Variants in BRINP3 observed in about 807,000 individuals in gnomAD.
BRINP3 encodes the protein BMP/retinoic acid-inducible neural-specific protein 3.
Under a neutral mutation model 71.0 loss-of-function variants are expected in BRINP3, and 19 were observed. The ratio of observed to expected loss-of-function variants is 0.27; its 90% CI spans 0.19 to 0.39. BRINP3 has a LOEUF of 0.39. BRINP3 is among the 10% of genes least tolerant of loss of function. BRINP3 has a pLI of 1.00. For missense variants in BRINP3, 959 were observed against 940.8 expected (o/e 1.02, Z -0.25); for synonymous variants, 380 against 337.7 (o/e 1.13, Z -1.37).
At chr1:190,320,077 T>A (rs891928556) in intron 2 of BRINP3, among the ~76,000 whole-genome samples, 1 of 151,986 alleles carries the variant, frequency 6.6e-6, no homozygotes, top group Non-Finnish European at 1.5e-5. Context: ...CTTGGTAACT[T>A]TGACTTTAAG....
At chr1:190,218,809 T>C (rs1464915683) in intron 6 of BRINP3, among the ~76,000 whole-genome samples, 2 of 152,120 alleles carry the variant, frequency 1.3e-5, no homozygotes, top group African/African-American at 4.8e-5. Flanking sequence ...TCTATTTTGA[T>C]CAAATAAATC....
chr1:190,312,036 AATATATATATATATATAT>A (rs1180367434), intron 2 of BRINP3, among the ~76,000 whole-genome samples: 44 of 68,308 alleles, frequency 6.4e-4, no homozygotes, highest in Middle Eastern at 0.015. Flanking sequence ...TGAAAAGTCA[AATATATATATATATATAT>A]ATATATATAT....
At chr1:190,373,423 TA>T (rs1325696931) in intron 2 of BRINP3, among the ~76,000 whole-genome samples, 5 of 124,540 alleles carry the variant, frequency 4.0e-5, no homozygotes, top group Non-Finnish European at 6.9e-5. Context: ...ATTCCTTAAT[TA>T]TATATATATA....
chr1:190,352,574 A>G (rs1011629307), intron 2 of BRINP3, among the ~76,000 whole-genome samples: 1 of 151,928 alleles, frequency 6.6e-6, no homozygotes, highest in Non-Finnish European at 1.5e-5. Context: ...TAAACATATC[A>G]TATTTTCCTA....
In BRINP3 at chr1:190,381,787, G is replaced by A. The variant is rs1416650338; in HGVS notation, c.236+72868C>T. ...TTTAACACACACGGATGACTTGTAG[G>A]TCCTAGGCATATGGATCAGTACTTA... is the stretch of plus-strand genomic sequence containing the variant. On this transcript the variant is annotated intron_variant, in intron 2 of 7. Transcript: ENST00000367462. Among the ~76,000 whole-genome samples, 3 of 152,086 alleles carry A rather than the reference G, an allele frequency of 2.0e-5. No homozygotes were observed. The East Asian group carries it at 5.8e-4, about 29-fold the overall frequency.
chr1:190,394,929 G>T (rs1457278637), intron 2 of BRINP3, among the ~76,000 whole-genome samples: 1 of 151,662 alleles, frequency 6.6e-6, no homozygotes, highest in Non-Finnish European at 1.5e-5. Context: ...CATTTCGGAG[G>T]TATTTTTATA....
intron 2 of BRINP3, among the ~76,000 whole-genome samples, chr1:190,289,988 A>G (rs1009106775): frequency 4.6e-5 from 7 of 152,052 alleles, no homozygotes; most frequent in African/African-American, 1.4e-4. Flanking sequence ...CACTCATTAA[A>G]TACACTCGGA....
At chr1:190,411,701 A>C (rs2102410705) in intron 2 of BRINP3, among the ~76,000 whole-genome samples, 1 of 152,332 alleles carries the variant, frequency 6.6e-6, no homozygotes, top group Non-Finnish European at 1.5e-5. Flanking sequence ...AATGACTGTA[A>C]GAATTTTAAA....
chr1:190,122,835 G>A (rs995819669), intron 7 of BRINP3, among the ~76,000 whole-genome samples: 12 of 152,036 alleles, frequency 7.9e-5, no homozygotes, highest in African/African-American at 2.9e-4. Context: ...TGCAAACTTA[G>A]GCAACTAATA....
Position 190,446,004 on chromosome 1 carries a change from TTTAA to T in BRINP3, c.236+8647_236+8650del, listed in dbSNP as rs572445494. On this transcript the variant is annotated intron_variant, in intron 2 of 7. Coordinates refer to ENST00000367462, the MANE Select transcript of BRINP3 (RefSeq NM_199051.3). ...CTAAAAATTATTACTTATAAATTGT[TTTAA>T]TTATTACAAAAGCCATATTTTTAAT... Among the ~76,000 whole-genome samples, 14 of 152,196 alleles carry T rather than the reference TTTAA, an allele frequency of 9.2e-5. No individual in the cohort carries two copies. In the South Asian group the frequency reaches 2.9e-3, roughly 32 times the overall value.
At chr1:190,447,077 G>A (rs903665371) in intron 2 of BRINP3, among the ~76,000 whole-genome samples, 2 of 151,610 alleles carry the variant, frequency 1.3e-5, no homozygotes, top group Admixed American at 6.6e-5. Context: ...AGAAATTCAG[G>A]GACATGAGGG....
At chr1:190,443,413 A>T (rs563275190) in intron 2 of BRINP3, among the ~76,000 whole-genome samples, 1 of 152,018 alleles carries the variant, frequency 6.6e-6, no homozygotes, top group African/African-American at 2.4e-5. Context: ...TCAAAAAAAA[A>T]AAAAAGAAAA....
chr1:190,125,762 T>G (rs1427714679), intron 7 of BRINP3, among the ~76,000 whole-genome samples: 1 of 151,974 alleles, frequency 6.6e-6, no homozygotes, highest in African/African-American at 2.4e-5. Flanking sequence ...TTTTCTAACA[T>G]TTGGTACCTA....
chr1:190,465,125 A>G (rs915457797), intron 1 of BRINP3, among the ~76,000 whole-genome samples: 1 of 151,914 alleles, frequency 6.6e-6, no homozygotes, highest in African/African-American at 2.4e-5. Flanking sequence ...AAATACAAGA[A>G]TCACCTAGGT....
intron 2 of BRINP3, among the ~76,000 whole-genome samples, chr1:190,299,434 T>G (rs2102990813): frequency 6.6e-6 from 1 of 151,404 alleles, no homozygotes; most frequent in South Asian, 2.1e-4. Flanking sequence ...ATATATTTAT[T>G]TATTTATTAT....
At chr1:190,150,269 T>TGC (rs1656273726) in intron 7 of BRINP3, among the ~76,000 whole-genome samples, 1 of 145,140 alleles carries the variant, frequency 6.9e-6, no homozygotes, top group African/African-American at 2.6e-5. Context: ...CATATCTATG[T>TGC]GTGTGTGTGT....
At chr1:190,171,716 C>T (rs1034285569) in intron 6 of BRINP3, among the ~76,000 whole-genome samples, 3 of 152,106 alleles carry the variant, frequency 2.0e-5, no homozygotes, top group Non-Finnish European at 2.9e-5. Flanking sequence ...ATATTATACA[C>T]TAGCCACATT....
At chr1:190,166,037 T>G (rs2102479023) in intron 6 of BRINP3, among the ~76,000 whole-genome samples, 1 of 152,302 alleles carries the variant, frequency 6.6e-6, no homozygotes, top group South Asian at 2.1e-4. Context: ...TTTGTATTGG[T>G]TTTGAAATTT....
chr1:190,456,523 G>T (rs1676002362), intron 1 of BRINP3, among the ~76,000 whole-genome samples: 1 of 151,950 alleles, frequency 6.6e-6, no homozygotes. Context: ...ATGTACCATT[G>T]TCAAATGATT....
Sources: allele counts gnomAD v4.1 joint callset (sites outside exome capture counted in the v4.1 genomes callset), GRCh38; gene constraint gnomAD v4.1.1; transcripts MANE v1.5; gene names NCBI Gene and HGNC (gene_info 2026-07-23, HGNC 2026-07-21).